The following AKAP19 variants were observed in gnomAD, a reference collection of about 807,000 sequenced individuals.
AKAP19 encodes A-kinase anchoring protein 19.
At chr2:190,180,438 C>G in the AKAP19 span, 1 of 983,392 alleles carries the variant, frequency 1.0e-6, no homozygotes, top group Non-Finnish European at 1.2e-6. This position sits in a 1 kb window ranked among gnomAD's most constrained non-coding sequence, Gnocchi z 6.8. Context: ...CCCAGGGGGC[C>G]GAGACCAGGG....
chr2:189,893,758 A>C, the AKAP19 span, among the ~76,000 whole-genome samples: 1 of 152,196 alleles, frequency 6.6e-6, no homozygotes, highest in Non-Finnish European at 1.5e-5. Flanking sequence ...ACTGACTGCA[A>C]ATCAAAACAT....
chr2:190,015,038 CTG>C, the AKAP19 span, among the ~76,000 whole-genome samples: 1 of 152,182 alleles, frequency 6.6e-6, no homozygotes, highest in Non-Finnish European at 1.5e-5. Context: ...CATTGAGTGT[CTG>C]TAGCTTTTCC....
the AKAP19 span, among the ~76,000 whole-genome samples, chr2:190,197,664 C>T: frequency 6.6e-6 from 1 of 152,302 alleles, no homozygotes; most frequent in African/African-American, 2.4e-5. This position sits in a 1 kb window ranked among gnomAD's most constrained non-coding sequence, Gnocchi z 4.0. Context: ...GATTTAACAT[C>T]TTGTGTTTTT....
chr2:190,050,317 A>C, the AKAP19 span, among the ~76,000 whole-genome samples: 38 of 152,130 alleles, frequency 2.5e-4, no homozygotes, highest in Non-Finnish European at 5.1e-4. Flanking sequence ...ATATACCCCC[A>C]AGTCAGGCTT....
chr2:190,005,160 G>A, the AKAP19 span, among the ~76,000 whole-genome samples: 2 of 152,170 alleles, frequency 1.3e-5, no homozygotes, highest in African/African-American at 2.4e-5. Flanking sequence ...CAGACCCAAA[G>A]AGTCAGCAGC....
the AKAP19 span, chr2:189,923,231 G>A: frequency 1.7e-6 from 2 of 1,147,004 alleles, no homozygotes; most frequent in Non-Finnish European, 1.3e-6. Flanking sequence ...TCCAGCAGCA[G>A]TCGGCTTCTC....
At chr2:189,948,314 A>G in the AKAP19 span, among the ~76,000 whole-genome samples, 1 of 152,208 alleles carries the variant, frequency 6.6e-6, no homozygotes, top group African/African-American at 2.4e-5. Flanking sequence ...TGAGATTCAG[A>G]TGAGAAGAAT....
the AKAP19 span, among the ~76,000 whole-genome samples, chr2:189,950,334 G>GTTTTTTTTT: frequency 7.3e-6 from 1 of 137,544 alleles, no homozygotes; most frequent in African/African-American, 2.9e-5. Flanking sequence ...AGCCTTTTTT[G>GTTTTTTTTT]TTTTTTTTTT....
the AKAP19 span, among the ~76,000 whole-genome samples, chr2:189,891,051 C>T: frequency 2.6e-5 from 4 of 151,964 alleles, no homozygotes; most frequent in East Asian, 1.9e-4. Context: ...TGGCTGGTAT[C>T]GGTTTTTCCT....
At chr2:189,964,119 C>T in the AKAP19 span, among the ~76,000 whole-genome samples, 1 of 152,180 alleles carries the variant, frequency 6.6e-6, no homozygotes, top group Non-Finnish European at 1.5e-5. Context: ...CCATGGGCTA[C>T]AGAATGGATG....
the AKAP19 span, chr2:190,180,360 C>T: frequency 3.0e-6 from 2 of 669,792 alleles, no homozygotes; most frequent in Non-Finnish European, 3.7e-6. This position sits in a 1 kb window ranked among gnomAD's most constrained non-coding sequence, Gnocchi z 6.8. Flanking sequence ...CAAGGCAGGC[C>T]CCGCGGGGGA....
chr2:190,128,590 A>G, the AKAP19 span, among the ~76,000 whole-genome samples: 1 of 152,194 alleles, frequency 6.6e-6, no homozygotes, highest in Non-Finnish European at 1.5e-5. Flanking sequence ...AAACACACAA[A>G]TAATACATGT....
chr2:190,115,444 C>T, the AKAP19 span, among the ~76,000 whole-genome samples: 1 of 134,820 alleles, frequency 7.4e-6, no homozygotes, highest in South Asian at 2.5e-4. Context: ...CTCAGCCTCC[C>T]AAGTAGCTGG....
At chr2:190,001,338 A>G in the AKAP19 span, among the ~76,000 whole-genome samples, 1 of 152,124 alleles carries the variant, frequency 6.6e-6, no homozygotes, top group Admixed American at 6.6e-5. Flanking sequence ...CTCAGTTTCT[A>G]TTAACGGCTT....
chr2:189,977,066 G>A, the AKAP19 span, among the ~76,000 whole-genome samples: 6 of 152,152 alleles, frequency 3.9e-5, no homozygotes, highest in South Asian at 2.1e-4. Context: ...CCTCTGCATC[G>A]CTCACGCTGG....
At chr2:190,082,904 C>T in the AKAP19 span, among the ~76,000 whole-genome samples, 3 of 152,186 alleles carry the variant, frequency 2.0e-5, 1 homozygote, top group African/African-American at 7.2e-5. Context: ...TGCTCAAATA[C>T]ATTCTCCCTG....
chr2:190,133,226 A>G, the AKAP19 span, among the ~76,000 whole-genome samples: 1 of 116,116 alleles, frequency 8.6e-6, no homozygotes, highest in Non-Finnish European at 1.8e-5. Flanking sequence ...AGACAGAGCG[A>G]GACTCTGCCA....
the AKAP19 span, among the ~76,000 whole-genome samples, chr2:189,973,914 T>C: frequency 6.6e-6 from 1 of 152,210 alleles, no homozygotes; most frequent in Non-Finnish European, 1.5e-5. Flanking sequence ...ATTTTGTTGA[T>C]CTTTTCAAAA....
the AKAP19 span, among the ~76,000 whole-genome samples, chr2:190,086,672 T>A: frequency 6.6e-6 from 1 of 152,206 alleles, no homozygotes; most frequent in African/African-American, 2.4e-5. Context: ...TCTGAACCAT[T>A]GTGGTTCTTG....
Sources: gnomAD v4.1 joint callset for allele counts (sites outside exome capture counted in the v4.1 genomes callset) on GRCh38, gnomAD v4.1.1 for gene constraint, Gnocchi (gnomAD v3.1) non-coding constraint, MANE v1.5 for transcripts, NCBI Gene and HGNC (gene_info 2026-07-23, HGNC 2026-07-21) for gene names.